The following FRMD6 variants were observed in gnomAD, a reference collection of about 807,000 sequenced individuals.
FRMD6 encodes FERM domain-containing protein 6.
In FRMD6, 37 loss-of-function variants were observed where a neutral mutation model predicts 73.2. The observed-to-expected ratio is 0.51, with a 90% CI of 0.39 to 0.66. The LOEUF is 0.66. FRMD6 is among the 30% of genes least tolerant of loss of function. The probability of loss-of-function intolerance (pLI) is 0.00; values close to 1 mark genes in which losing one functional copy is unlikely to be tolerated. For synonymous variants in FRMD6, 273 were observed against 282.2 expected, an observed-to-expected ratio of 0.97 and a Z score of 0.33; for missense variants, 714 against 780.5, an observed-to-expected ratio of 0.91 and a Z score of 1.02.
intron 8 of FRMD6, 49 bp downstream of exon 8, chr14:51,711,645 T>A: frequency 7.5e-7 from 1 of 1,333,780 alleles, no homozygotes; most frequent in South Asian, 1.2e-5. Flanking sequence ...GTCTTCTGTT[T>A]ACAGCATGCC....
the FRMD6 span, among the ~76,000 whole-genome samples, chr14:51,409,410 A>G: frequency 6.6e-6 from 1 of 150,528 alleles, no homozygotes; most frequent in Non-Finnish European, 1.5e-5. Context: ...CTATTCTAAA[A>G]AGATGCTGAA....
intron 2 of FRMD6, among the ~76,000 whole-genome samples, chr14:51,646,318 CAAAAAAAAA>C (rs34495089): frequency 1.4e-5 from 1 of 69,256 alleles, no homozygotes; most frequent in Non-Finnish European, 2.6e-5. Context: ...ACTCCATATC[CAAAAAAAAA>C]AAAAAAAAAA....
chr14:51,593,357 G>A (rs1030902412), intron 2 of FRMD6, among the ~76,000 whole-genome samples: 2 of 152,316 alleles, frequency 1.3e-5, no homozygotes, highest in South Asian at 4.2e-4. Context: ...CCTGAAGAAT[G>A]TGAATAAGTG....
At chr14:51,582,094 G>A (rs1038126048) in intron 2 of FRMD6, among the ~76,000 whole-genome samples, 1 of 152,198 alleles carries the variant, frequency 6.6e-6, no homozygotes, top group Non-Finnish European at 1.5e-5. Context: ...GGCTCAATAA[G>A]TATTTGTGAC....
At chr14:51,656,268 T>G (rs985294474) in intron 1 of FRMD6, among the ~76,000 whole-genome samples, 2 of 152,190 alleles carry the variant, frequency 1.3e-5, no homozygotes, top group Non-Finnish European at 2.9e-5. Flanking sequence ...AAAGAAATCA[T>G]TGATCTCTCA....
intron 1 of FRMD6, among the ~76,000 whole-genome samples, chr14:51,544,473 T>C (rs1886357054): frequency 6.6e-6 from 1 of 152,064 alleles, no homozygotes; most frequent in Non-Finnish European, 1.5e-5. Context: ...TAGGGAAGTT[T>C]CTACTTTGTT....
At chr14:51,517,096 C>G (rs553860746) in intron 1 of FRMD6, among the ~76,000 whole-genome samples, 3 of 152,108 alleles carry the variant, frequency 2.0e-5, no homozygotes, top group Non-Finnish European at 2.9e-5. Flanking sequence ...TTGTTGTATA[C>G]TTTAAGTGTT....
the FRMD6 span, among the ~76,000 whole-genome samples, chr14:51,457,624 A>T: frequency 2.0e-5 from 3 of 152,212 alleles, no homozygotes; most frequent in Admixed American, 2.0e-4. Flanking sequence ...TGCCCCAGTT[A>T]TACAAGTGTT....
Position 51,535,753 on chromosome 14 carries a change from T to C in FRMD6, c.-209-34595T>C, listed in dbSNP as rs76807895. On this transcript the variant is annotated intron_variant, in intron 1 of 14. Coordinates refer to the FRMD6 transcript ENST00000356218. ...CTTGGAGTGAAATTGCTGGGTTATA[T>C]GTTTTGAAACACTGACAAACTTTCC... Among the ~76,000 whole-genome samples, 46 of 152,300 alleles carry C rather than the reference T, an allele frequency of 3.0e-4. No homozygotes were observed. The East Asian group carries it at 8.7e-3, about 29-fold the overall frequency.
upstream of FRMD6, among the ~76,000 whole-genome samples, chr14:51,648,611 G>A (rs1892185669): frequency 6.6e-6 from 1 of 152,192 alleles, no homozygotes; most frequent in African/African-American, 2.4e-5. Flanking sequence ...GTTCACAGGG[G>A]ATGTTTGATG....
At chr14:51,585,573 A>G (rs1222536397) in intron 2 of FRMD6, among the ~76,000 whole-genome samples, 1 of 152,268 alleles carries the variant, frequency 6.6e-6, no homozygotes, top group South Asian at 2.1e-4. Flanking sequence ...TTTATGAGCT[A>G]TGTGACTTTA....
chr14:51,482,486 CAG>C, the FRMD6 span, among the ~76,000 whole-genome samples: 21 of 152,268 alleles, frequency 1.4e-4, no homozygotes, highest in African/African-American at 5.1e-4. Flanking sequence ...CTGTCTTTAC[CAG>C]AGAGTCGGCA....
chr14:51,714,523 C>T (rs1340402206), intron 9 of FRMD6: 1 of 152,154 alleles, frequency 6.6e-6, no homozygotes, highest in African/African-American at 2.4e-5. Flanking sequence ...TTCATAATAT[C>T]CCATAACTGT....
intron 2 of FRMD6, among the ~76,000 whole-genome samples, chr14:51,570,826 T>G (rs117758090): frequency 0.04 from 6,053 of 152,324 alleles, 149 homozygotes; most frequent in Non-Finnish European, 0.054. Flanking sequence ...TTTTCTTCCT[T>G]CAGATTCATC....
At position 51,723,725 on chromosome 14, in the gene FRMD6, A is replaced by G. The variant is rs10141240; in HGVS notation, c.1492+1645A>G. ...AGGAGGCAGAGGTTGCAGTGACCCAAGATTGTGTCACTGTACTCCATCCTG... is the reference window on the plus strand; with the variant it reads ...AGGAGGCAGAGGTTGCAGTGACCCAGGATTGTGTCACTGTACTCCATCCTG... On this transcript the variant is annotated intron_variant, in intron 12 of 13. Coordinates refer to ENST00000344768, the MANE Select transcript of FRMD6 (RefSeq NM_001267046.2). 2.6e-3 allele frequency among the ~76,000 whole-genome samples: 395 copies of G among 151,646 alleles called. 3 individuals are homozygous for G. Among genetic ancestry groups the G allele is most frequent in the African/African-American group, 9.2e-3 (380 of 41,360 alleles).
At chr14:51,723,731 T>C (rs10130464) in intron 12 of FRMD6, among the ~76,000 whole-genome samples, 42,783 of 149,398 alleles carry the variant, frequency 0.29, 6,581 homozygotes, top group African/African-American at 0.39. Flanking sequence ...CCCAAGATTG[T>C]GTCACTGTAC....
chr14:51,481,562 G>A, the FRMD6 span, among the ~76,000 whole-genome samples: 1 of 152,200 alleles, frequency 6.6e-6, no homozygotes, highest in South Asian at 2.1e-4. Flanking sequence ...ATATCAAACT[G>A]CCTACTATTT....
At chr14:51,621,109 C>T (rs1310511063) in intron 2 of FRMD6, among the ~76,000 whole-genome samples, 1 of 152,090 alleles carries the variant, frequency 6.6e-6, no homozygotes, top group African/African-American at 2.4e-5. Flanking sequence ...GTTTATGTGC[C>T]CAAATCAGCA....
chr14:51,457,329 AATC>A, the FRMD6 span, among the ~76,000 whole-genome samples: 1 of 152,212 alleles, frequency 6.6e-6, no homozygotes, highest in Non-Finnish European at 1.5e-5. Context: ...AAAAGCTGGA[AATC>A]ATCAAGTATA....
Sources: gnomAD v4.1 joint callset for allele counts (sites outside exome capture counted in the v4.1 genomes callset) on GRCh38, gnomAD v4.1.1 for gene constraint, MANE v1.5 for transcripts, NCBI Gene and HGNC (gene_info 2026-07-23, HGNC 2026-07-21) for gene names.